The following TTC28 variants were observed in gnomAD, a reference collection of about 807,000 sequenced individuals.
The protein encoded by TTC28 is tetratricopeptide repeat protein 28.
In TTC28, 61 loss-of-function variants were observed where a neutral mutation model predicts 198.0. That is an observed-to-expected ratio of 0.31 (90% CI 0.25 to 0.38). The LOEUF (loss-of-function observed/expected upper bound fraction) is 0.38, where lower values mean the gene tolerates loss of function less well. TTC28 is among the 10% of genes least tolerant of loss of function. The pLI, the probability that TTC28 is intolerant of heterozygous loss-of-function variation, is 1.00. For missense variants in TTC28, 2,678 were observed against 3,164.0 expected, an observed-to-expected ratio of 0.85 and a Z score of 3.69; for synonymous variants, 1,171 against 1,297.8, an observed-to-expected ratio of 0.90 and a Z score of 2.10.
rs533802726 is a variant in TTC28, at chr22:28,323,804, T to C, written c.382-17161A>G. On this transcript the variant is annotated intron_variant, in intron 2 of 22. Coordinates refer to ENST00000397906, the MANE Select transcript of TTC28 (RefSeq NM_001145418.2). ...CAAGCAGATTTAACCCAAATAGGACTACCTCAAGGCATTTAATAATCAAAC... is the reference window on the plus strand; with the variant it reads ...CAAGCAGATTTAACCCAAATAGGACCACCTCAAGGCATTTAATAATCAAAC... 2.0e-5 allele frequency among the ~76,000 whole-genome samples: 3 copies of C among 152,234 alleles called. No individual in the cohort carries two copies. The South Asian group carries it at 6.2e-4, about 32-fold the overall frequency.
At chr22:28,537,338 T>TAAAAA (rs1282774935) in intron 2 of TTC28, among the ~76,000 whole-genome samples, 16 of 142,540 alleles carry the variant, frequency 1.1e-4, no homozygotes, top group African/African-American at 3.8e-4. Context: ...TAAAATAAAA[T>TAAAAA]AAAAACAAGA....
chr22:28,103,400 G>C (rs973482353), intron 8 of TTC28, among the ~76,000 whole-genome samples: 1 of 152,226 alleles, frequency 6.6e-6, no homozygotes, highest in South Asian at 2.1e-4. Context: ...CCACCTGTGA[G>C]AGTCTATTGC....
intron 6 of TTC28, among the ~76,000 whole-genome samples, chr22:28,144,379 G>A (rs75301156): frequency 0.011 from 1,737 of 152,272 alleles, 30 homozygotes; most frequent in African/African-American, 0.04. Flanking sequence ...AAGATGGTTT[G>A]GAAAGCTATC....
intron 5 of TTC28, among the ~76,000 whole-genome samples, chr22:28,234,153 G>A (rs890163895): frequency 1.3e-5 from 2 of 151,638 alleles, no homozygotes; most frequent in Non-Finnish European, 1.5e-5. Flanking sequence ...TGATCCGCCG[G>A]CCTCGGCCTC....
chr22:28,523,454 C>A, intron 2 of TTC28, among the ~76,000 whole-genome samples: 1 of 152,146 alleles, frequency 6.6e-6, no homozygotes, highest in East Asian at 1.9e-4. Flanking sequence ...TCACTCTGGG[C>A]AGTCATGGGG....
chr22:28,436,192 T>TAA (rs1008284306), intron 2 of TTC28, among the ~76,000 whole-genome samples: 4 of 152,154 alleles, frequency 2.6e-5, no homozygotes, highest in Non-Finnish European at 4.4e-5. Context: ...GATAAATGGA[T>TAA]AGAGATAAAT....
intron 12 of TTC28, among the ~76,000 whole-genome samples, chr22:28,090,198 A>G (rs1462748116): frequency 6.6e-6 from 1 of 152,082 alleles, no homozygotes. Flanking sequence ...AATAACAAGC[A>G]TCTATAATTT....
At chr22:28,594,111 A>T (rs1371859359) in intron 2 of TTC28, among the ~76,000 whole-genome samples, 1 of 152,106 alleles carries the variant, frequency 6.6e-6, no homozygotes, top group Non-Finnish European at 1.5e-5. Context: ...GATGAGAGAC[A>T]CTGATGTTGA....
At chr22:28,096,958 C>T (rs1268766116) in intron 10 of TTC28, among the ~76,000 whole-genome samples, 1 of 152,114 alleles carries the variant, frequency 6.6e-6, no homozygotes, top group African/African-American at 2.4e-5. Context: ...GCACGGGCCA[C>T]CATTCCTGGC....
At chr22:28,060,099 C>T (rs1400042776) in intron 12 of TTC28, among the ~76,000 whole-genome samples, 1 of 151,284 alleles carries the variant, frequency 6.6e-6, no homozygotes, top group East Asian at 1.9e-4. Context: ...TTAAAAAGAT[C>T]CTTTTGTTAT....
intron 5 of TTC28, among the ~76,000 whole-genome samples, chr22:28,268,985 T>C (rs1931865366): frequency 6.6e-6 from 1 of 152,208 alleles, no homozygotes; most frequent in Non-Finnish European, 1.5e-5. Context: ...ATATCTTTAA[T>C]AACATGCCTA....
intron 2 of TTC28, among the ~76,000 whole-genome samples, chr22:28,474,637 G>A (rs34928826): frequency 0.039 from 5,940 of 152,266 alleles, 155 homozygotes; most frequent in African/African-American, 0.062. Context: ...AAGAGTTGGT[G>A]CTGCAAACTG....
chr22:28,253,087 C>T (rs1313594261), intron 5 of TTC28, among the ~76,000 whole-genome samples: 1 of 152,058 alleles, frequency 6.6e-6, no homozygotes, highest in Non-Finnish European at 1.5e-5. Context: ...TATAAATACT[C>T]TTGAGGGGGA....
intron 5 of TTC28, among the ~76,000 whole-genome samples, chr22:28,163,807 G>A (rs1452732767): frequency 1.3e-5 from 2 of 152,168 alleles, no homozygotes; most frequent in Non-Finnish European, 2.9e-5. Context: ...GCCGGACAGT[G>A]GGTGCAGCGC....
At chr22:28,122,635 T>G (rs1190307435) in intron 6 of TTC28, among the ~76,000 whole-genome samples, 1 of 152,156 alleles carries the variant, frequency 6.6e-6, no homozygotes, top group Non-Finnish European at 1.5e-5. Context: ...TATGCACTGA[T>G]TTCAAAACAT....
intron 2 of TTC28, among the ~76,000 whole-genome samples, chr22:28,443,480 G>A (rs1269267228): frequency 3.9e-5 from 6 of 152,032 alleles, no homozygotes; most frequent in Admixed American, 1.3e-4. Flanking sequence ...CTTCCTTCTT[G>A]GATAACTTGG....
intron 2 of TTC28, among the ~76,000 whole-genome samples, chr22:28,327,894 T>C (rs928213289): frequency 2.0e-5 from 3 of 152,190 alleles, no homozygotes; most frequent in Non-Finnish European, 4.4e-5. Flanking sequence ...TCCAGGTGTT[T>C]TATATTCATT....
intron 2 of TTC28, among the ~76,000 whole-genome samples, chr22:28,332,196 C>T (rs1191018606): frequency 6.6e-6 from 1 of 152,016 alleles, no homozygotes; most frequent in African/African-American, 2.4e-5. Context: ...ATCCTCTCTA[C>T]CTTCTTTCAG....
At chr22:28,155,821 T>C (rs1398980019) in intron 6 of TTC28, among the ~76,000 whole-genome samples, 1 of 152,142 alleles carries the variant, frequency 6.6e-6, no homozygotes, top group Non-Finnish European at 1.5e-5. Context: ...CTACCTATAA[T>C]GTGGCATACA....
Sources: gnomAD v4.1 joint callset for allele counts (sites outside exome capture counted in the v4.1 genomes callset) on GRCh38, gnomAD v4.1.1 for gene constraint, MANE v1.5 for transcripts, NCBI Gene and HGNC (gene_info 2026-07-23, HGNC 2026-07-21) for gene names.